Variants in MAML2 observed in about 807,000 individuals in gnomAD.
The protein encoded by MAML2 is mastermind-like protein 2.
MAML2 carries 22 observed loss-of-function variants against 96.1 expected under a neutral mutation model. The ratio of observed to expected loss-of-function variants is 0.23; its 90% CI spans 0.16 to 0.33. MAML2 has a LOEUF of 0.33. Ranked by LOEUF, MAML2 falls within the 10% of genes least tolerant of loss-of-function variation. The pLI is 1.00. For missense variants in MAML2, 1,367 were observed against 1,392.4 expected (o/e 0.98, Z 0.29); for synonymous variants, 561 against 521.3 (o/e 1.08, Z -1.04).
chr11:96,064,868 A>AT (rs758017232), intron 2 of MAML2, among the ~76,000 whole-genome samples: 2 of 152,142 alleles, frequency 1.3e-5, no homozygotes, highest in South Asian at 2.1e-4. Context: ...GAAACAACTG[A>AT]TTTTTTCTCG....
At position 95,977,563 on chromosome 11, in the gene MAML2, T is replaced by C. The variant is rs765868075; in HGVS notation, c.*1385A>G. On this transcript the variant is annotated 3_prime_UTR_variant, in exon 5 of 5. Coordinates refer to ENST00000524717, the MANE Select transcript of MAML2 (RefSeq NM_032427.4). ...GAAGATAACCTTTGCTCCTCTGTAATTAGGAAAATGATAGTGATATTTTGC... is the reference window on the plus strand; with the variant it reads ...GAAGATAACCTTTGCTCCTCTGTAACTAGGAAAATGATAGTGATATTTTGC... 1 of 207,264 alleles carries C rather than the reference T, an allele frequency of 4.8e-6. No homozygotes were observed. Among genetic ancestry groups the C allele is most frequent in the Non-Finnish European group, 9.8e-6 (1 of 101,574 alleles). 12.8% of individuals were successfully genotyped at this position (207,264 alleles called of 1,614,324 possible). A position where few individuals can be genotyped will look rare whatever the true frequency, so the allele number is the denominator to read the frequency against.
At chr11:96,216,120 G>A (rs920132891) in intron 1 of MAML2, among the ~76,000 whole-genome samples, 2 of 152,136 alleles carry the variant, frequency 1.3e-5, no homozygotes, top group African/African-American at 4.8e-5. Context: ...TGTGTCTTCA[G>A]AAGTTGGTAG....
At chr11:96,248,839 G>A (rs1862546454) in intron 1 of MAML2, among the ~76,000 whole-genome samples, 1 of 152,112 alleles carries the variant, frequency 6.6e-6, no homozygotes, top group South Asian at 2.1e-4. Flanking sequence ...CCTACAAAAT[G>A]GCTCCTGTTA....
intron 1 of MAML2, among the ~76,000 whole-genome samples, chr11:96,212,717 C>G: frequency 6.6e-6 from 1 of 152,084 alleles, no homozygotes; most frequent in East Asian, 1.9e-4. Context: ...AGGAACAAGA[C>G]GTTTAGATAA....
intron 1 of MAML2, among the ~76,000 whole-genome samples, chr11:96,205,996 G>T (rs1446721812): frequency 1.3e-5 from 2 of 151,850 alleles, no homozygotes; most frequent in African/African-American, 2.4e-5. Context: ...AGGAAAAACT[G>T]ATGTCTTTGG....
intron 1 of MAML2, among the ~76,000 whole-genome samples, chr11:96,161,376 C>A (rs1041038803): frequency 5.3e-5 from 8 of 152,190 alleles, no homozygotes; most frequent in African/African-American, 1.9e-4. Context: ...AAATCTCATT[C>A]CCTGCTAGTA....
At chr11:95,997,178 A>T (rs569505) in intron 2 of MAML2, among the ~76,000 whole-genome samples, 89,630 of 151,968 alleles carry the variant, frequency 0.59, 27,222 homozygotes, top group East Asian at 0.81. Flanking sequence ...AAAATTACAG[A>T]GTTTGGTTCT....
At chr11:96,286,222 G>A (rs1681899681) in intron 1 of MAML2, among the ~76,000 whole-genome samples, 1 of 152,148 alleles carries the variant, frequency 6.6e-6, no homozygotes, top group South Asian at 2.1e-4. Context: ...ACTAACGCAG[G>A]AACAGAAAAC....
intron 3 of MAML2, among the ~76,000 whole-genome samples, chr11:95,988,094 C>T (rs189746141): frequency 8.1e-4 from 121 of 149,356 alleles, no homozygotes; most frequent in African/African-American, 2.6e-3. Context: ...GTGTTTCTAC[C>T]GTTTATACTG....
At chr11:96,301,200 C>G (rs1863382211) in intron 1 of MAML2, among the ~76,000 whole-genome samples, 2 of 152,198 alleles carry the variant, frequency 1.3e-5, no homozygotes, top group Admixed American at 1.3e-4. Context: ...CCCACATACA[C>G]AGAGAAATAC....
intron 1 of MAML2, among the ~76,000 whole-genome samples, chr11:96,274,177 G>T (rs1235073225): frequency 6.6e-6 from 1 of 151,172 alleles, no homozygotes; most frequent in Non-Finnish European, 1.5e-5. Flanking sequence ...CCGCCTCGCG[G>T]GTTCACGCCA....
At chr11:96,177,916 T>TTGTGTGTGTGTGTGTGTG (rs58447778) in intron 1 of MAML2, among the ~76,000 whole-genome samples, 97 of 139,934 alleles carry the variant, frequency 6.9e-4, no homozygotes, top group Non-Finnish European at 1.1e-3. Context: ...GAGACCTTAG[T>TTGTGTGTGTGTGTGTGTG]TGTGTGTGTG....
chr11:96,204,809 A>G (rs1486965844), intron 1 of MAML2, among the ~76,000 whole-genome samples: 1 of 152,234 alleles, frequency 6.6e-6, no homozygotes, highest in African/African-American at 2.4e-5. Flanking sequence ...TGAATCTTGA[A>G]GGTGTAACAT....
intron 1 of MAML2, among the ~76,000 whole-genome samples, chr11:96,219,050 C>T (rs1350777795): frequency 2.0e-5 from 3 of 152,202 alleles, no homozygotes; most frequent in Non-Finnish European, 2.9e-5. Flanking sequence ...TGTCCCACCA[C>T]GCCATTCCCA....
chr11:96,189,488 A>G (rs1036827508), intron 1 of MAML2, among the ~76,000 whole-genome samples: 13 of 152,350 alleles, frequency 8.5e-5, no homozygotes, highest in African/African-American at 2.9e-4. Flanking sequence ...TAGACTAGAA[A>G]GAAAAGTAGT....
At chr11:96,281,432 T>C (rs1283849766) in intron 1 of MAML2, among the ~76,000 whole-genome samples, 1 of 152,120 alleles carries the variant, frequency 6.6e-6, no homozygotes. Context: ...CAAGCAGGAA[T>C]GGGGCTGCAA....
chr11:96,217,362 C>T (rs574089936), intron 1 of MAML2, among the ~76,000 whole-genome samples: 19 of 152,316 alleles, frequency 1.2e-4, no homozygotes, highest in South Asian at 2.1e-4. Context: ...TGTCACTCCA[C>T]GGTGCTGTTG....
chr11:96,139,259 C>T (rs1303261039), intron 1 of MAML2, among the ~76,000 whole-genome samples: 6 of 152,036 alleles, frequency 3.9e-5, no homozygotes, highest in Non-Finnish European at 7.4e-5. Flanking sequence ...GGGCAGATCA[C>T]GAGGTCAGGA....
At chr11:96,217,964 G>A (rs1862074682) in intron 1 of MAML2, among the ~76,000 whole-genome samples, 1 of 152,176 alleles carries the variant, frequency 6.6e-6, no homozygotes. Flanking sequence ...ATGTCTAAAT[G>A]TGATTTAAAA....
Sources: gnomAD v4.1 joint callset for allele counts (sites outside exome capture counted in the v4.1 genomes callset) on GRCh38, gnomAD v4.1.1 for gene constraint, MANE v1.5 for transcripts, NCBI Gene and HGNC (gene_info 2026-07-23, HGNC 2026-07-21) for gene names.